Variants in WWP2 observed in about 807,000 individuals in gnomAD.
WWP2 encodes WW domain containing E3 ubiquitin protein ligase 2.
In WWP2, 57 loss-of-function variants were observed where a neutral mutation model predicts 121.0. The observed-to-expected ratio is 0.47, with a 90% CI of 0.38 to 0.59. The LOEUF (loss-of-function observed/expected upper bound fraction) is 0.59, where lower values mean the gene tolerates loss of function less well. WWP2 is among the 20% of genes least tolerant of loss of function. WWP2 has a pLI of 0.00. For synonymous variants in WWP2, 449 were observed against 441.3 expected (o/e 1.02, Z -0.22); for missense variants, 962 against 1,158.9 (o/e 0.83, Z 2.47).
chr16:69,804,074 AT>A lies in WWP2; in HGVS notation c.340+4781del, dbSNP rs567322345. Among the ~76,000 whole-genome samples the A allele has an allele frequency of 2.1e-3, 313 of 150,182 alleles. 2 individuals carry two copies. The highest frequency in any genetic ancestry group is 1.2e-3 in the Non-Finnish European group (82 of 68,018). On this transcript the variant is annotated intron_variant, in intron 4 of 23. Transcript: ENST00000359154. The stretch of plus-strand genomic sequence containing the variant: ...GAAGTGTGCATTTTTCTCTTTTGGT[AT>A]TGAAAGAACTCTTTATTTGTTAAGG...
chr16:69,856,555 T>A (rs2057315766), intron 6 of WWP2, among the ~76,000 whole-genome samples: 1 of 152,142 alleles, frequency 6.6e-6, no homozygotes, highest in Non-Finnish European at 1.5e-5. Flanking sequence ...GGTGGGTGGA[T>A]CACGAGGTCG....
intron 1 of WWP2, among the ~76,000 whole-genome samples, chr16:69,775,320 T>C (rs1192649122): frequency 6.6e-6 from 1 of 152,164 alleles, no homozygotes; most frequent in African/African-American, 2.4e-5. Flanking sequence ...ATGACCTGCT[T>C]TATGGGAGAA....
intron 6 of WWP2, among the ~76,000 whole-genome samples, chr16:69,857,160 G>A (rs1029521197): frequency 2.0e-5 from 3 of 152,046 alleles, no homozygotes; most frequent in African/African-American, 7.2e-5. Flanking sequence ...CTGGAGTGCA[G>A]TGGCGCCATC....
rs898996914 is a variant in WWP2, at chr16:69,940,262, G to A, written c.*322G>A. Reference sequence around the variant, plus strand: ...GGGTGTATGTGAGTGTGCAAGGGAAGGTGTTGCATCCCCAGGGGCTGCCGC... The same window carrying A: ...GGGTGTATGTGAGTGTGCAAGGGAAAGTGTTGCATCCCCAGGGGCTGCCGC... On this transcript the variant is annotated 3_prime_UTR_variant, in exon 24 of 24. Coordinates refer to ENST00000359154, the MANE Select transcript of WWP2 (RefSeq NM_001270454.2). 1.3e-5 allele frequency: 4 copies of A among 314,634 alleles called. No homozygotes were observed. Among genetic ancestry groups the A allele is most frequent in the Admixed American group, 9.1e-5 (2 of 22,010 alleles). The allele number at this position is 314,634 out of a possible 1,614,324, so 19.5% of individuals were successfully genotyped here.
rs975395363 is a variant in WWP2 at position 69,798,770 on chromosome 16, C to G, written c.159C>G (p.Thr53=). The change falls in exon 3 of 24, where the codon ACC becomes ACG. Residue 53 remains threonine (T), a synonymous_variant. Coordinates refer to ENST00000359154, the MANE Select transcript of WWP2 (RefSeq NM_001270454.2). ...EVAVDGLPSE[T]KKTGKRIGSS... Reference sequence around the variant, plus strand: ...CGGTGGATGGACTCCCCAGTGAGACCAAGAAGACTGGGAAGCGCATTGGGA... The same window carrying G: ...CGGTGGATGGACTCCCCAGTGAGACGAAGAAGACTGGGAAGCGCATTGGGA... 1.9e-6 allele frequency: 3 copies of G among 1,613,910 alleles called. No homozygotes were observed. Among genetic ancestry groups the G allele is most frequent in the Non-Finnish European group, 2.5e-6 (3 of 1,180,006 alleles).
intron 8 of WWP2, among the ~76,000 whole-genome samples, chr16:69,898,984 A>G (rs2058153582): frequency 2.6e-5 from 4 of 152,146 alleles, no homozygotes; most frequent in African/African-American, 4.8e-5. Flanking sequence ...GATTACAGGC[A>G]TGAGCCACCA....
At chr16:69,820,970 G>A (rs1185953276) in intron 4 of WWP2, among the ~76,000 whole-genome samples, 1 of 152,260 alleles carries the variant, frequency 6.6e-6, no homozygotes, top group African/African-American at 2.4e-5. Flanking sequence ...AGCAGGACCA[G>A]TGTGGTGCGT....
At chr16:69,792,442 C>T (rs546839847) in intron 2 of WWP2, among the ~76,000 whole-genome samples, 68 of 150,874 alleles carry the variant, frequency 4.5e-4, no homozygotes, top group Middle Eastern at 3.4e-3. Flanking sequence ...CACATAAAGT[C>T]GTGACTCTGT....
intron 17 of WWP2, 145 bp downstream of exon 17, chr16:69,934,274 C>T (rs2151995420): frequency 1.8e-6 from 2 of 1,103,002 alleles, no homozygotes; most frequent in East Asian, 2.6e-5. Flanking sequence ...GGCCCTGGGC[C>T]TGTTCACCAG....
rs757807584 is a variant in WWP2, at chr16:69,925,507, G to A, written c.1234+23G>A. On this transcript the variant is annotated intron_variant, in intron 11 of 23. Coordinates refer to ENST00000359154, the MANE Select transcript of WWP2 (RefSeq NM_001270454.2). The surrounding 1 kb of genome is among the most constrained non-coding windows in gnomAD (Gnocchi z 4.0). ...GGGGTAAGTACTGAGTTCTCTTCCT[G>A]GCCCTTGGCCTTCCGTCAGCCACGG... The A allele has an allele frequency of 6.2e-7, 1 of 1,611,910 alleles. No individual in the cohort carries two copies. Among genetic ancestry groups the A allele is most frequent in the Admixed American group, 1.7e-5 (1 of 59,324 alleles).
rs187431089 is a variant in WWP2, at chr16:69,900,621, C to T, written c.915-8140C>T. On this transcript the variant is annotated intron_variant, in intron 8 of 23. Coordinates refer to ENST00000359154, the MANE Select transcript of WWP2 (RefSeq NM_001270454.2). ...CACTGCATCCTCCGCCTCCTGGACT[C>T]AAGCGATTCTCCTGCCTCAGCCTCC... Among the ~76,000 whole-genome samples, 11 of 152,152 alleles carry T rather than the reference C, an allele frequency of 7.2e-5. No homozygotes were observed. The East Asian group carries it at 2.1e-3, about 29-fold the overall frequency.
chr16:69,936,217 C>A, intron 18 of WWP2, 95 bp from the exon 19 acceptor site: 1 of 1,569,950 alleles, frequency 6.4e-7, no homozygotes, highest in Non-Finnish European at 8.7e-7. Flanking sequence ...TCTAGGCCAC[C>A]TGTGGGCCCT....
In WWP2 at chr16:69,799,140, C is replaced by A; in HGVS notation, c.219-34C>A. On this transcript the variant is annotated intron_variant, in intron 3 of 23. Transcript: ENST00000359154. This position sits in a 1 kb window ranked among gnomAD's most constrained non-coding sequence, Gnocchi z 4.5. ...TCTTCTAAGTTATAGGAATGATCTG[C>A]TTGGATGTAATGAATCAGGTATTTG... 1 of 1,598,832 alleles carries A rather than the reference C, an allele frequency of 6.3e-7. No homozygotes were observed. Among genetic ancestry groups the A allele is most frequent in the African/African-American group, 1.3e-5 (1 of 74,356 alleles).
chr16:69,808,049 T>C (rs1466067140), intron 4 of WWP2, among the ~76,000 whole-genome samples: 2 of 152,188 alleles, frequency 1.3e-5, no homozygotes, highest in Admixed American at 6.6e-5. Context: ...CATCAAGACA[T>C]AGCATATTTC....
intron 4 of WWP2, among the ~76,000 whole-genome samples, chr16:69,815,298 C>T (rs1448366202): frequency 4.6e-5 from 7 of 152,072 alleles, no homozygotes; most frequent in African/African-American, 1.4e-4. Flanking sequence ...CCACCTCACC[C>T]GGCCTAATTT....
At position 69,931,282 on chromosome 16, in the gene WWP2, T is replaced by C. The variant is rs1319738249; in HGVS notation, c.1521+55T>C. 86 of 1,599,960 alleles carry C rather than the reference T, an allele frequency of 5.4e-5. 1 individual carries two copies. Among genetic ancestry groups the C allele is most frequent in the Middle Eastern group, 1.7e-4 (1 of 5,792 alleles). On this transcript the variant is annotated intron_variant, in intron 14 of 23. Coordinates refer to ENST00000359154, the MANE Select transcript of WWP2 (RefSeq NM_001270454.2). ...AGTTGGGGTTATTGAGTTATTTCAGTGTGAGTTCCCGGCACAGCAGCAGGT... is the reference window on the plus strand; with the variant it reads ...AGTTGGGGTTATTGAGTTATTTCAGCGTGAGTTCCCGGCACAGCAGCAGGT...
intron 6 of WWP2, among the ~76,000 whole-genome samples, chr16:69,843,818 A>G (rs1219656066): frequency 1.3e-5 from 2 of 152,108 alleles, no homozygotes; most frequent in Non-Finnish European, 2.9e-5. Context: ...GCACTGAGCT[A>G]GCATCAGGGC....
intron 6 of WWP2, among the ~76,000 whole-genome samples, chr16:69,857,117 T>C (rs991066628): frequency 1.3e-5 from 2 of 152,142 alleles, no homozygotes; most frequent in Non-Finnish European, 2.9e-5. Context: ...TTTTTTACTT[T>C]TTTTGAGACA....
intron 6 of WWP2, among the ~76,000 whole-genome samples, chr16:69,851,607 A>T (rs763006367): frequency 2.0e-5 from 3 of 152,046 alleles, no homozygotes; most frequent in Admixed American, 6.6e-5. Flanking sequence ...TCATTCATTT[A>T]CTGGTTGCTT....
Sources: gnomAD v4.1 joint callset for allele counts (sites outside exome capture counted in the v4.1 genomes callset) on GRCh38, gnomAD v4.1.1 for gene constraint, Gnocchi (gnomAD v3.1) non-coding constraint, MANE v1.5 for transcripts, NCBI Gene and HGNC (gene_info 2026-07-23, HGNC 2026-07-21) for gene names.